The following SETBP1 variants were observed in gnomAD, a reference collection of about 807,000 sequenced individuals.
The protein encoded by SETBP1 is SET-binding protein.
A neutral mutation model predicts 101.0 loss-of-function variants in SETBP1; 9 were observed. The observed-to-expected ratio is 0.09, with a 90% CI of 0.05 to 0.16. The LOEUF (loss-of-function observed/expected upper bound fraction) is 0.16. Among genes scored for constraint, SETBP1 ranks in the 10% least tolerant of loss-of-function variants. The pLI is 1.00. For synonymous variants in SETBP1, 818 were observed against 788.5 expected, an observed-to-expected ratio of 1.04 and a Z score of -0.63; for missense variants, 1,858 against 2,033.8, an observed-to-expected ratio of 0.91 and a Z score of 1.66.
chr18:45,050,729 A>T (rs1195585675), intron 5 of SETBP1, among the ~76,000 whole-genome samples: 1 of 152,212 alleles, frequency 6.6e-6, no homozygotes, highest in African/African-American at 2.4e-5. Context: ...GCTAGCCAGC[A>T]TCAGAAAAAT....
intron 5 of SETBP1, among the ~76,000 whole-genome samples, chr18:45,038,962 TA>T (rs1036493039): frequency 2.0e-5 from 3 of 152,224 alleles, no homozygotes; most frequent in Non-Finnish European, 2.9e-5. Flanking sequence ...TAGGAATTAC[TA>T]ATCTCTGCAT....
intron 2 of SETBP1, among the ~76,000 whole-genome samples, chr18:44,734,577 C>A (rs1376427625): frequency 6.6e-6 from 1 of 152,198 alleles, no homozygotes; most frequent in Non-Finnish European, 1.5e-5. Flanking sequence ...CCAATTCCCA[C>A]TTCCATACTT....
intron 3 of SETBP1, among the ~76,000 whole-genome samples, chr18:44,940,160 C>A (rs1336300171): frequency 6.6e-6 from 1 of 152,050 alleles, no homozygotes; most frequent in Non-Finnish European, 1.5e-5. Flanking sequence ...TACTCGGAAG[C>A]CTATTTTTCC....
chr18:44,734,285 T>C (rs1419458872), intron 2 of SETBP1, among the ~76,000 whole-genome samples: 1 of 152,228 alleles, frequency 6.6e-6, no homozygotes, highest in Non-Finnish European at 1.5e-5. Context: ...TCATGAGCTA[T>C]TAATTAAATT....
rs556907169 is a variant in SETBP1 at position 44,973,899 on chromosome 18, G to A, written c.4000+20559G>A. On this transcript the variant is annotated intron_variant, in intron 4 of 5. Transcript: ENST00000649279. ...TTTTAAGCTGGCAGAGGGGGGAGTA[G>A]GGGTTAATATTCTCTGAGTCGTGCC... 6.6e-5 allele frequency among the ~76,000 whole-genome samples: 10 copies of A among 152,282 alleles called. No homozygotes were observed. The South Asian group carries it at 2.1e-3, about 32-fold the overall frequency.
chr18:44,777,793 C>T (rs1216007090), intron 2 of SETBP1, among the ~76,000 whole-genome samples: 2 of 152,254 alleles, frequency 1.3e-5, no homozygotes, highest in Non-Finnish European at 2.9e-5. Context: ...TTTCACACAA[C>T]TTCTGACAAG....
intron 3 of SETBP1, among the ~76,000 whole-genome samples, chr18:44,886,584 C>T (rs1025625850): frequency 6.6e-6 from 1 of 151,840 alleles, no homozygotes; most frequent in Non-Finnish European, 1.5e-5. Context: ...AAATTTCTAG[C>T]CCTTAGGTCA....
intron 4 of SETBP1, among the ~76,000 whole-genome samples, chr18:44,997,980 C>T (rs1403675365): frequency 6.6e-6 from 1 of 152,144 alleles, no homozygotes; most frequent in Non-Finnish European, 1.5e-5. Flanking sequence ...AAATAAGTAA[C>T]AAAACTGGAA....
At chr18:44,879,798 A>G (rs538492448) in intron 3 of SETBP1, among the ~76,000 whole-genome samples, 1 of 152,338 alleles carries the variant, frequency 6.6e-6, no homozygotes, top group East Asian at 1.9e-4. Context: ...TTTGACCAGG[A>G]GAAGGGAACA....
At chr18:44,689,572 GC>G (rs1218198766) in intron 1 of SETBP1, among the ~76,000 whole-genome samples, 3 of 152,332 alleles carry the variant, frequency 2.0e-5, no homozygotes, top group South Asian at 2.1e-4. Context: ...TGCTCTAAGA[GC>G]CCATGAAAAC....
At chr18:44,874,352 T>TC (rs760656124) in intron 3 of SETBP1, among the ~76,000 whole-genome samples, 7 of 152,210 alleles carry the variant, frequency 4.6e-5, no homozygotes, top group Non-Finnish European at 8.8e-5. Context: ...ATTTTTGGAA[T>TC]CCATCTGAAG....
Position 44,910,383 on chromosome 18 carries a change from T to C in SETBP1, c.541-39498T>C, listed in dbSNP as rs550270928. Among the ~76,000 whole-genome samples, 6 of 152,318 alleles carry C rather than the reference T, an allele frequency of 3.9e-5. No individual in the cohort carries two copies. In the South Asian group the frequency reaches 6.2e-4, roughly 16 times the overall value. On this transcript the variant is annotated intron_variant, in intron 3 of 5. Coordinates refer to ENST00000649279, the MANE Select transcript of SETBP1 (RefSeq NM_015559.3). Reference sequence around the variant, plus strand: ...CATTTTTCCTTACCTCAGAGCTCCATTGAAACCAAATCTGGATTGACCTGA... The same window carrying C: ...CATTTTTCCTTACCTCAGAGCTCCACTGAAACCAAATCTGGATTGACCTGA...
At position 44,915,357 on chromosome 18, in the gene SETBP1, C is replaced by T. The variant is rs117296730; in HGVS notation, c.541-34524C>T. On this transcript the variant is annotated intron_variant, in intron 3 of 5. Transcript: ENST00000649279. The stretch of plus-strand genomic sequence containing the variant: ...CTTCCAGGCTAAAGGATCTTGGCAG[C>T]AAATGGAGGGTACAAGTCATTCAAC... Among the ~76,000 whole-genome samples the T allele has an allele frequency of 7.7e-4, 117 of 152,240 alleles. 1 individual carries two copies. In the East Asian group the frequency reaches 0.013, roughly 17 times the overall value.
chr18:44,824,315 C>A (rs2072185366), intron 2 of SETBP1, among the ~76,000 whole-genome samples: 3 of 152,096 alleles, frequency 2.0e-5, no homozygotes, highest in Admixed American at 6.5e-5. Context: ...TGGTGCCCAT[C>A]TAGTCTCTAG....
At position 45,011,345 on chromosome 18, in the gene SETBP1, T is replaced by C. The variant is rs568828711; in HGVS notation, c.4001-27140T>C. Among the ~76,000 whole-genome samples the C allele has an allele frequency of 2.6e-5, 4 of 152,324 alleles. No homozygotes were observed. The South Asian group carries it at 8.3e-4, about 32-fold the overall frequency. ...AGATCGTCTAGATAAATCTCCTCTC[T>C]GGTGCAGGAATTCTCAAAGCAGCAG... On this transcript the variant is annotated intron_variant, in intron 4 of 5. Coordinates refer to ENST00000649279, the MANE Select transcript of SETBP1 (RefSeq NM_015559.3).
chr18:44,745,485 G>A (rs1011746528), intron 2 of SETBP1, among the ~76,000 whole-genome samples: 3 of 152,126 alleles, frequency 2.0e-5, no homozygotes, highest in African/African-American at 7.2e-5. Context: ...AAAAAAATAA[G>A]AGCATTATTT....
At chr18:44,931,124 T>C (rs1023537547) in intron 3 of SETBP1, among the ~76,000 whole-genome samples, 10 of 152,244 alleles carry the variant, frequency 6.6e-5, no homozygotes, top group Non-Finnish European at 1.5e-4. Context: ...GTCCCAGAGA[T>C]TATGGTATGT....
At chr18:44,980,632 C>A (rs1215178556) in intron 4 of SETBP1, among the ~76,000 whole-genome samples, 1 of 152,120 alleles carries the variant, frequency 6.6e-6, no homozygotes, top group Admixed American at 6.6e-5. Flanking sequence ...GGTTGAGGAG[C>A]CTTGAAAGGC....
intron 2 of SETBP1, 107 bp downstream of exon 2, chr18:44,701,939 C>T (rs2069123486): frequency 2.2e-5 from 29 of 1,342,086 alleles, no homozygotes; most frequent in South Asian, 2.6e-5. Context: ...TCTAGAACAA[C>T]GTGGGGTTGG....
Sources: gnomAD v4.1 joint callset for allele counts (sites outside exome capture counted in the v4.1 genomes callset) on GRCh38, gnomAD v4.1.1 for gene constraint, MANE v1.5 for transcripts, NCBI Gene and HGNC (gene_info 2026-07-23, HGNC 2026-07-21) for gene names.